ZC3H14: variants seen among roughly 807,000 people sequenced by gnomAD.
The protein encoded by ZC3H14 is zinc finger CCCH domain-containing protein 14.
Under a neutral mutation model 92.4 loss-of-function variants are expected in ZC3H14, and 31 were observed. That is an observed-to-expected ratio of 0.34 (90% confidence interval 0.25 to 0.45). The LOEUF (loss-of-function observed/expected upper bound fraction) is 0.45. Among genes scored for constraint, ZC3H14 ranks in the 20% least tolerant of loss-of-function variants. The probability of loss-of-function intolerance (pLI) is 1.00; values close to 1 mark genes in which losing one functional copy is unlikely to be tolerated. For missense variants in ZC3H14, 781 were observed against 897.3 expected (o/e 0.87, Z 1.66); for synonymous variants, 321 against 300.9 (o/e 1.07, Z -0.69).
intron 9 of ZC3H14, 130 bp downstream of exon 9, chr14:88,578,270 A>C: frequency 7.5e-7 from 1 of 1,341,656 alleles, no homozygotes; most frequent in Non-Finnish European, 1.0e-6. Flanking sequence ...TAGAATGAGA[A>C]GAATACCATG....
rs955821711 is a variant in ZC3H14 at position 88,625,237 on chromosome 14, C to T, written c.*13486C>T. Reference sequence around the variant, plus strand: ...GCTGTCTCACCCTTGATACAAAGAGCATGCATCGTGTAGTGGCAGCAGCAC... The same window carrying T: ...GCTGTCTCACCCTTGATACAAAGAGTATGCATCGTGTAGTGGCAGCAGCAC... On this transcript the variant is annotated 3_prime_UTR_variant, in exon 17 of 17. Coordinates refer to ENST00000251038, the MANE Select transcript of ZC3H14 (RefSeq NM_024824.5). 2 of 1,293,710 alleles carry T rather than the reference C, an allele frequency of 1.5e-6. No individual in the cohort carries two copies. Among genetic ancestry groups the T allele is most frequent in the East Asian group, 5.1e-5 (2 of 39,484 alleles). 80.1% of individuals were successfully genotyped at this position (1,293,710 alleles called of 1,614,324 possible).
chr14:88,568,278 G>A (rs1243394840), intron 3 of ZC3H14, 125 bp downstream of exon 3: 1 of 755,216 alleles, frequency 1.3e-6, no homozygotes, highest in Non-Finnish European at 2.4e-6. Context: ...TGTGAGTGAT[G>A]AGAGCACAGC....
intron 10 of ZC3H14, 75 bp from the exon 11 acceptor site, chr14:88,601,849 C>T (rs1384450152): frequency 6.5e-7 from 1 of 1,528,102 alleles, no homozygotes; most frequent in African/African-American, 1.4e-5. Flanking sequence ...GATTGACATT[C>T]TTCTCACATA....
intron 15 of ZC3H14, 137 bp from the exon 16 acceptor site, chr14:88,610,697 G>C: frequency 1.2e-6 from 1 of 803,250 alleles, no homozygotes; most frequent in Non-Finnish European, 2.1e-6. Flanking sequence ...CCAGCTACTC[G>C]GGAGACTGAG....
intron 9 of ZC3H14, among the ~76,000 whole-genome samples, chr14:88,585,021 A>G (rs1172588591): frequency 2.6e-5 from 4 of 152,182 alleles, no homozygotes; most frequent in Non-Finnish European, 4.4e-5. Flanking sequence ...AAGTAGTTAA[A>G]TGTTTGGGAA....
intron 5 of ZC3H14, 78 bp downstream of exon 5, chr14:88,572,303 G>A: frequency 6.6e-7 from 1 of 1,516,696 alleles, no homozygotes; most frequent in African/African-American, 1.4e-5. Flanking sequence ...ATATCTTTCA[G>A]TTTGCTGTTC....
intron 2 of ZC3H14, among the ~76,000 whole-genome samples, chr14:88,566,215 G>A (rs2079602796): frequency 6.6e-6 from 1 of 151,338 alleles, no homozygotes; most frequent in South Asian, 2.1e-4. Context: ...AATGTTACTT[G>A]TGTTAATATA....
In ZC3H14 at chr14:88,620,688, G is replaced by A. The variant is rs2088733873; in HGVS notation, c.*8937G>A. ...ACCTCTTTTTGAAGGCAAGGCTATG[G>A]AAAATTTTACAAATGGAAGTTAAAT... On this transcript the variant is annotated 3_prime_UTR_variant, in exon 17 of 17. Coordinates refer to ENST00000251038, the MANE Select transcript of ZC3H14 (RefSeq NM_024824.5). This position sits in a 1 kb window ranked among gnomAD's most constrained non-coding sequence, Gnocchi z 4.3. 3 of 1,369,568 alleles carry A rather than the reference G, an allele frequency of 2.2e-6. No homozygotes were observed. Among genetic ancestry groups the A allele is most frequent in the Non-Finnish European group, 2.9e-6 (3 of 1,051,500 alleles). The allele number at this position is 1,369,568 out of a possible 1,614,324, so 84.8% of individuals were successfully genotyped here.
chr14:88,599,396 C>G (rs1198863027), intron 10 of ZC3H14, among the ~76,000 whole-genome samples: 1 of 152,172 alleles, frequency 6.6e-6, no homozygotes, highest in African/African-American at 2.4e-5. Flanking sequence ...ATTGACATTT[C>G]TGTGGGCTTT....
intron 9 of ZC3H14, chr14:88,591,868 G>T (rs947853484): frequency 6.6e-5 from 10 of 152,204 alleles, no homozygotes; most frequent in Admixed American, 6.5e-4. Context: ...GTCCTTGAGT[G>T]TGGACCTAGG....
Position 88,625,203 on chromosome 14 carries a change from A to G in ZC3H14, c.*13452A>G, listed in dbSNP as rs1340055617. The G allele has an allele frequency of 2.6e-6, 4 of 1,512,728 alleles. No individual in the cohort carries two copies. Among genetic ancestry groups the G allele is most frequent in the Non-Finnish European group, 3.6e-6 (4 of 1,113,774 alleles). 93.7% of individuals were successfully genotyped at this position (1,512,728 alleles called of 1,614,324 possible). A position where few individuals can be genotyped will look rare whatever the true frequency, so the allele number is the denominator to read the frequency against. Reference sequence around the variant, plus strand: ...AGTTTAAATAGATAATTTTCTATGTATGTGTAATGCTGTCTCACCCTTGAT... The same window carrying G: ...AGTTTAAATAGATAATTTTCTATGTGTGTGTAATGCTGTCTCACCCTTGAT... On this transcript the variant is annotated 3_prime_UTR_variant, in exon 17 of 17. Coordinates refer to ENST00000251038, the MANE Select transcript of ZC3H14 (RefSeq NM_024824.5).
chr14:88,617,599 ATC>A lies in ZC3H14; in HGVS notation c.*5852_*5853del, dbSNP rs2087900657. The A allele has an allele frequency of 6.6e-6, 1 of 152,198 alleles. No homozygotes were observed. Among genetic ancestry groups the A allele is most frequent in the Non-Finnish European group, 1.5e-5 (1 of 68,068 alleles). The allele number at this position is 152,198 out of a possible 1,614,324, so 9.4% of individuals were successfully genotyped here. On this transcript the variant is annotated 3_prime_UTR_variant, in exon 17 of 17. Coordinates refer to ENST00000251038, the MANE Select transcript of ZC3H14 (RefSeq NM_024824.5). Reference sequence around the variant, plus strand: ...GCCTGGGCAATATTGTGAGATCCCTATCTCTACAAAAATAAAAATGACTTATG... The same window carrying A: ...GCCTGGGCAATATTGTGAGATCCCTATCTACAAAAATAAAAATGACTTATG...
At chr14:88,595,849 A>G (rs2139981402) in intron 9 of ZC3H14, among the ~76,000 whole-genome samples, 1 of 152,348 alleles carries the variant, frequency 6.6e-6, no homozygotes, top group Non-Finnish European at 1.5e-5. Flanking sequence ...CATCTTAGTA[A>G]GATTTCAGTA....
Position 88,616,336 on chromosome 14 carries a change from G to A in ZC3H14, c.*4585G>A, listed in dbSNP as rs2087609369. On this transcript the variant is annotated 3_prime_UTR_variant, in exon 17 of 17. Coordinates refer to ENST00000251038, the MANE Select transcript of ZC3H14 (RefSeq NM_024824.5). ...CTATAATCTCTATGACAAGAGCTGTGGAGAGAGTAGGGAGTTAGCACCGCA... is the reference window on the plus strand; with the variant it reads ...CTATAATCTCTATGACAAGAGCTGTAGAGAGAGTAGGGAGTTAGCACCGCA... The A allele has an allele frequency of 8.2e-7, 1 of 1,226,024 alleles. No individual in the cohort carries two copies. Among genetic ancestry groups the A allele is most frequent in the African/African-American group, 1.5e-5 (1 of 67,158 alleles). The allele number at this position is 1,226,024 out of a possible 1,614,324, so 75.9% of individuals were successfully genotyped here. A position where few individuals can be genotyped will look rare whatever the true frequency, so the allele number is the denominator to read the frequency against.
intron 5 of ZC3H14, 96 bp downstream of exon 5, chr14:88,572,321 T>C (rs2080534409): frequency 1.4e-6 from 2 of 1,385,008 alleles, no homozygotes; most frequent in African/African-American, 1.4e-5. Context: ...TTCTCAGCAA[T>C]TTTTAGAAAC....
In ZC3H14 at chr14:88,571,132, T is replaced by A; in HGVS notation, c.235+8T>A. The A allele has an allele frequency of 6.5e-7, 1 of 1,529,334 alleles. No individual in the cohort carries two copies. Among genetic ancestry groups the A allele is most frequent in the African/African-American group, 1.5e-5 (1 of 66,926 alleles). The allele number at this position is 1,529,334 out of a possible 1,614,324, so 94.7% of individuals were successfully genotyped here. On this transcript the variant is annotated splice_region_variant and intron_variant, in intron 4 of 16. Coordinates refer to ENST00000251038, the MANE Select transcript of ZC3H14 (RefSeq NM_024824.5). Reference sequence around the variant, plus strand: ...TTCGCTCTGTTACAACTGGTAAGATTCATAACTTTTTTTTTTAATTTCTGC... The same window carrying A: ...TTCGCTCTGTTACAACTGGTAAGATACATAACTTTTTTTTTTAATTTCTGC...
Position 88,619,160 on chromosome 14 carries a change from G to GT in ZC3H14, c.*7412dup, listed in dbSNP as rs1296148149. On this transcript the variant is annotated 3_prime_UTR_variant, in exon 17 of 17. Transcript: ENST00000251038. ...GCGGGCAGATCACCTGAGGTCGAGAGTTTGAGACCAGCCTGACCAACATAG... is the reference window on the plus strand; with the variant it reads ...GCGGGCAGATCACCTGAGGTCGAGAGTTTTGAGACCAGCCTGACCAACATAG... 6.0e-6 allele frequency: 1 copy of GT among 165,742 alleles called. No homozygotes were observed. Among genetic ancestry groups the GT allele is most frequent in the African/African-American group, 2.4e-5 (1 of 41,700 alleles). The allele number at this position is 165,742 out of a possible 1,614,324, so 10.3% of individuals were successfully genotyped here.
intron 9 of ZC3H14, chr14:88,594,471 T>C: frequency 7.6e-7 from 1 of 1,309,770 alleles, no homozygotes; most frequent in African/African-American, 1.5e-5. Flanking sequence ...GGCTTCTTAG[T>C]TGTAGCGAAG....
At chr14:88,577,880 G>GTCCTA in intron 8 of ZC3H14, 105 bp from the exon 9 acceptor site, 1 of 1,472,782 alleles carries the variant, frequency 6.8e-7, no homozygotes, top group East Asian at 2.3e-5. Flanking sequence ...GAACTCATAT[G>GTCCTA]TCCTAAACCA....
Sources: gnomAD v4.1 joint callset for allele counts (sites outside exome capture counted in the v4.1 genomes callset) on GRCh38, gnomAD v4.1.1 for gene constraint, Gnocchi (gnomAD v3.1) non-coding constraint, MANE v1.5 for transcripts, NCBI Gene and HGNC (gene_info 2026-07-23, HGNC 2026-07-21) for gene names.